ST7: variants seen among roughly 807,000 people sequenced by gnomAD.
ST7 encodes suppressor of tumorigenicity 7 protein.
In ST7, 28 loss-of-function variants were observed where a neutral mutation model predicts 78.7. That is an observed-to-expected ratio of 0.36 (90% CI 0.26 to 0.49). The LOEUF (loss-of-function observed/expected upper bound fraction) is 0.49, where lower values mean the gene tolerates loss of function less well. Among genes scored for constraint, ST7 ranks in the 20% least tolerant of loss-of-function variants. The probability of loss-of-function intolerance (pLI) is 0.99; values close to 1 mark genes in which losing one functional copy is unlikely to be tolerated. For synonymous variants in ST7, 247 were observed against 249.6 expected (o/e 0.99, Z 0.10); for missense variants, 418 against 696.0 (o/e 0.60, Z 4.49).
intron 1 of ST7, among the ~76,000 whole-genome samples, chr7:117,009,052 T>G (rs150827770): frequency 1.0e-3 from 158 of 152,288 alleles, no homozygotes; most frequent in Non-Finnish European, 2.0e-3. Flanking sequence ...AGAGTAGTTG[T>G]GACAGAGAAC....
intron 13 of ST7, among the ~76,000 whole-genome samples, chr7:117,215,172 CAATT>C (rs1470647685): frequency 6.6e-6 from 1 of 152,130 alleles, no homozygotes; most frequent in Non-Finnish European, 1.5e-5. Flanking sequence ...CAAGGCCACA[CAATT>C]AGGTAGTGAC....
intron 1 of ST7, among the ~76,000 whole-genome samples, chr7:116,990,004 G>A (rs928486884): frequency 2.0e-5 from 3 of 152,074 alleles, no homozygotes; most frequent in African/African-American, 4.8e-5. Context: ...GCAGTGGCAC[G>A]ATCTCGGCTC....
intron 1 of ST7, among the ~76,000 whole-genome samples, chr7:117,078,099 G>A (rs562516037): frequency 2.0e-5 from 3 of 152,156 alleles, no homozygotes; most frequent in Non-Finnish European, 2.9e-5. Flanking sequence ...GAGACATTAA[G>A]CTATTAGCCC....
rs1792257256 is a variant in ST7 at position 116,953,627 on chromosome 7, C to T, written c.87C>T (p.Phe29=). The change falls in exon 1 of 16, where the codon TTC becomes TTT. Residue 29 remains phenylalanine, a synonymous_variant. Transcript: ENST00000323984. The part of the protein sequence containing the change: ...SWTYLWTVWF[F]IVLFLVYILR... ...CGTATCTGTGGACCGTGTGGTTCTTCATCGTGCTATTCCTGGTCTACATCC... is the reference window on the plus strand; with the variant it reads ...CGTATCTGTGGACCGTGTGGTTCTTTATCGTGCTATTCCTGGTCTACATCC... 1.3e-6 allele frequency: 2 copies of T among 1,512,968 alleles called. No homozygotes were observed. Among genetic ancestry groups the T allele is most frequent in the Non-Finnish European group, 8.9e-7 (1 of 1,118,986 alleles). 93.7% of individuals were successfully genotyped at this position (1,512,968 alleles called of 1,614,324 possible). A position where few individuals can be genotyped will look rare whatever the true frequency, so the allele number is the denominator to read the frequency against.
chr7:117,026,674 C>G (rs1391632066), intron 1 of ST7, among the ~76,000 whole-genome samples: 3 of 152,166 alleles, frequency 2.0e-5, no homozygotes, highest in African/African-American at 7.2e-5. Flanking sequence ...CGTGTACTAC[C>G]AGGGTTTAAC....
intron 9 of ST7, among the ~76,000 whole-genome samples, chr7:117,145,211 A>C (rs978324561): frequency 6.6e-6 from 1 of 152,294 alleles, no homozygotes; most frequent in Non-Finnish European, 1.5e-5. Context: ...TCTCAAAAAA[A>C]AAGTAGAAAA....
At chr7:116,998,423 G>A (rs1460532493) in intron 1 of ST7, among the ~76,000 whole-genome samples, 1 of 152,212 alleles carries the variant, frequency 6.6e-6, no homozygotes, top group Admixed American at 6.5e-5. Context: ...TCCGGCCTCG[G>A]CCAGCCCTGA....
intron 9 of ST7, among the ~76,000 whole-genome samples, chr7:117,160,232 C>CA (rs572498971): frequency 0.028 from 3,217 of 113,646 alleles, 60 homozygotes; most frequent in Middle Eastern, 0.12. Flanking sequence ...AACTGTGTCT[C>CA]AAAAAAAAAA....
intron 1 of ST7, among the ~76,000 whole-genome samples, chr7:117,029,224 G>A (rs1796351444): frequency 6.6e-6 from 1 of 152,110 alleles, no homozygotes; most frequent in African/African-American, 2.4e-5. Flanking sequence ...GCAATGGATG[G>A]GAGTTCACTT....
At chr7:117,094,947 T>G (rs769095392) in intron 1 of ST7, among the ~76,000 whole-genome samples, 5 of 152,234 alleles carry the variant, frequency 3.3e-5, no homozygotes, top group Non-Finnish European at 5.9e-5. Context: ...ATGTCATATT[T>G]TAGCAAAGCA....
intron 1 of ST7, among the ~76,000 whole-genome samples, chr7:116,971,650 T>G (rs2116256092): frequency 6.6e-6 from 1 of 152,396 alleles, no homozygotes; most frequent in African/African-American, 2.4e-5. Flanking sequence ...GTTTAGCTGG[T>G]ACTTTGTACA....
At chr7:117,141,925 C>A (rs766776031) in intron 9 of ST7, among the ~76,000 whole-genome samples, 1 of 151,940 alleles carries the variant, frequency 6.6e-6, no homozygotes, top group Non-Finnish European at 1.5e-5. Context: ...CCACTTCGGC[C>A]TCCCAAAATT....
At chr7:117,229,135 GAA>G (rs1026069382) in intron 15 of ST7, among the ~76,000 whole-genome samples, 12 of 152,314 alleles carry the variant, frequency 7.9e-5, no homozygotes, top group African/African-American at 2.9e-4. Flanking sequence ...GTAACCAAAT[GAA>G]AGAGTTCCCA....
chr7:117,141,108 T>C (rs538614709), intron 9 of ST7, among the ~76,000 whole-genome samples: 2 of 152,328 alleles, frequency 1.3e-5, no homozygotes, highest in South Asian at 4.1e-4. Flanking sequence ...AGACTTTCTC[T>C]GATAAAATAG....
intron 1 of ST7, among the ~76,000 whole-genome samples, chr7:117,082,214 G>T (rs1462577201): frequency 6.6e-6 from 1 of 152,036 alleles, no homozygotes; most frequent in East Asian, 1.9e-4. Context: ...AATAGCTAGG[G>T]GCAGTAGTCT....
chr7:117,076,359 A>G (rs1799338122), intron 1 of ST7, among the ~76,000 whole-genome samples: 1 of 152,240 alleles, frequency 6.6e-6, no homozygotes. Flanking sequence ...CAGGATACCA[A>G]TTTACAAATT....
intron 1 of ST7, among the ~76,000 whole-genome samples, chr7:117,059,942 T>A (rs912997857): frequency 2.2e-4 from 34 of 151,650 alleles, no homozygotes; most frequent in African/African-American, 8.2e-4. Context: ...AAGATCGCAC[T>A]ACCCCACTTC....
intron 1 of ST7, chr7:116,972,351 T>A (rs1793469816): frequency 8.0e-6 from 5 of 621,330 alleles, no homozygotes; most frequent in Non-Finnish European, 8.7e-6. Flanking sequence ...TCTTGATCTC[T>A]TTCTCATATT....
chr7:117,213,748 G>A (rs1308057613), intron 13 of ST7, among the ~76,000 whole-genome samples: 4 of 152,058 alleles, frequency 2.6e-5, no homozygotes, highest in African/African-American at 2.4e-5. Flanking sequence ...TACACAATAC[G>A]TTCCTCAAAG....
Sources: allele counts gnomAD v4.1 joint callset (sites outside exome capture counted in the v4.1 genomes callset), GRCh38; gene constraint gnomAD v4.1.1; transcripts MANE v1.5; gene names NCBI Gene and HGNC (gene_info 2026-07-23, HGNC 2026-07-21).